The following EXOC7 variants were observed in gnomAD, a reference collection of about 807,000 sequenced individuals.
EXOC7 encodes exocyst complex component Exo70.
Under a neutral mutation model 87.6 loss-of-function variants are expected in EXOC7, and 51 were observed. The observed-to-expected ratio is 0.58, with a 90% CI of 0.46 to 0.73. The LOEUF (loss-of-function observed/expected upper bound fraction) is 0.73. EXOC7 is among the 30% of genes least tolerant of loss of function. EXOC7 has a pLI of 0.00. For synonymous variants in EXOC7, 327 were observed against 357.1 expected, an observed-to-expected ratio of 0.92 and a Z score of 0.95; for missense variants, 744 against 888.4, an observed-to-expected ratio of 0.84 and a Z score of 2.07.
intron 6 of EXOC7, among the ~76,000 whole-genome samples, chr17:76,091,958 T>C (rs1020909202): frequency 1.3e-5 from 2 of 152,020 alleles, no homozygotes; most frequent in African/African-American, 2.4e-5. Context: ...AGAAAAACAA[T>C]AGTTAGTATC....
In EXOC7 at chr17:76,082,946, T is replaced by A. The variant is rs2067046203; in HGVS notation, c.*702A>T. On this transcript the variant is annotated 3_prime_UTR_variant, in exon 19 of 19. Transcript: ENST00000589210. ...ACAGGCAGGCAGCCTAATTGCTCCT[T>A]CTGCAACCACGACTGCCTGGCCCTG... The A allele has an allele frequency of 3.6e-6, 1 of 277,148 alleles. No individual in the cohort carries two copies. The highest frequency in any genetic ancestry group is 6.8e-6 in the Non-Finnish European group (1 of 148,118). 17.2% of individuals were successfully genotyped at this position (277,148 alleles called of 1,614,324 possible). A position where few individuals can be genotyped will look rare whatever the true frequency, so the allele number is the denominator to read the frequency against.
chr17:76,101,680 C>T lies in EXOC7; in HGVS notation c.310G>A (p.Gly104Ser). 6.2e-7 allele frequency: 1 copy of T among 1,611,620 alleles called. No homozygotes were observed. The highest frequency in any genetic ancestry group is 8.5e-7 in the Non-Finnish European group (1 of 1,178,544). The change falls in exon 3 of 19, where the codon GGC (glycine) becomes AGC (serine). Residue 104 changes from glycine to serine, a missense_variant and splice_region_variant. Coordinates refer to ENST00000589210, the MANE Select transcript of EXOC7 (RefSeq NM_001013839.4). ...ACCCTCTGGGCCTCACTCACTCACC[C>T]CTCTCTGATGATCTTCTCAGTGTCA... ...ASDTEKIIREGPTGRLEEYLG... is the reference protein window; with the variant it reads ...ASDTEKIIRESPTGRLEEYLG...
rs1394895787 is a variant in EXOC7 at position 76,081,786 on chromosome 17, T to G, written c.*1862A>C. 6.2e-7 allele frequency: 1 copy of G among 1,613,594 alleles called. No homozygotes were observed. Among genetic ancestry groups the G allele is most frequent in the East Asian group, 2.2e-5 (1 of 44,858 alleles). On this transcript the variant is annotated 3_prime_UTR_variant, in exon 19 of 19. Transcript: ENST00000589210. Reference sequence around the variant, plus strand: ...CCCTGCTCCCTTACCCAGTCTGCCCTGTTTCTCCCCGGTCACCCACTGGTG... The same window carrying G: ...CCCTGCTCCCTTACCCAGTCTGCCCGGTTTCTCCCCGGTCACCCACTGGTG...
Position 76,097,917 on chromosome 17 carries a change from C to G in EXOC7, c.519G>C (p.Leu173=), listed in dbSNP as rs1256854946. The G allele has an allele frequency of 6.2e-7, 1 of 1,614,024 alleles. No homozygotes were observed. The change falls in exon 5 of 19, where the codon CTG becomes CTC. Residue 173 remains leucine (L), a synonymous_variant. Transcript: ENST00000589210. ...CCTCCAGATCATCGTCACCACTGATCAGATCCAAGATGAGCACGGGCGAGA... is the reference window on the plus strand; with the variant it reads ...CCTCCAGATCATCGTCACCACTGATGAGATCCAAGATGAGCACGGGCGAGA... The part of the protein sequence containing the change: ...KVVSPVLILD[L]ISGDDDLEAQ...
intron 4 of EXOC7, among the ~76,000 whole-genome samples, chr17:76,098,950 G>C (rs922084239): frequency 2.0e-4 from 30 of 151,530 alleles, no homozygotes; most frequent in African/African-American, 7.3e-4. Context: ...GTTTGCAAAA[G>C]AAAATAAATA....
At chr17:76,102,763 A>G (rs1246148503) in intron 2 of EXOC7, among the ~76,000 whole-genome samples, 1 of 152,216 alleles carries the variant, frequency 6.6e-6, no homozygotes, top group Admixed American at 6.5e-5. Context: ...CACCTATTGT[A>G]TACCAGGCAC....
Position 76,082,278 on chromosome 17 carries a change from C to G in EXOC7, c.*1370G>C, listed in dbSNP as rs776268196. On this transcript the variant is annotated 3_prime_UTR_variant, in exon 19 of 19. Coordinates refer to ENST00000589210, the MANE Select transcript of EXOC7 (RefSeq NM_001013839.4). ...ACCTCAATCCCCTGATAACCCATGCCTTGCACAGCCTAAGAGGGTGTTTCT... is the reference window on the plus strand; with the variant it reads ...ACCTCAATCCCCTGATAACCCATGCGTTGCACAGCCTAAGAGGGTGTTTCT... 1.3e-6 allele frequency: 1 copy of G among 778,482 alleles called. No individual in the cohort carries two copies. Among genetic ancestry groups the G allele is most frequent in the Non-Finnish European group, 2.0e-6 (1 of 501,640 alleles). The allele number at this position is 778,482 out of a possible 1,614,324, so 48.2% of individuals were successfully genotyped here.
At chr17:76,101,202 T>C (rs1181412672) in intron 4 of EXOC7, 69 bp downstream of exon 4, 8 of 1,613,454 alleles carry the variant, frequency 5.0e-6, no homozygotes, top group African/African-American at 4.0e-5. Context: ...GCTGGCTCCA[T>C]GTCCCTCATG....
chr17:76,103,384 T>C lies in EXOC7; in HGVS notation c.103A>G (p.Ser35Gly). ...ACCATGTTCTTAGTGAGCTGGTCGC[T>C]CTTCTCCAGGCTGTCTCGGATGAAG... ...LSFIRDSLEK[S>G]DQLTKNMVSI... Residue 35 changes from serine (S) to glycine (G), a missense_variant, in exon 2 of 19, where the codon AGC (serine) becomes GGC (glycine). Ser to Gly is a moderately conservative substitution (Grantham distance 56). Around this residue, in one of 3 missense-constraint regions of EXOC7, gnomAD observed 512 missense variants for 573.0 expected, o/e 0.89. Coordinates refer to ENST00000589210, the MANE Select transcript of EXOC7 (RefSeq NM_001013839.4). 1 of 1,606,648 alleles carries C rather than the reference T, an allele frequency of 6.2e-7. No individual in the cohort carries two copies. Among genetic ancestry groups the C allele is most frequent in the South Asian group, 1.1e-5 (1 of 89,368 alleles).
At position 76,084,237 on chromosome 17, in the gene EXOC7, C is replaced by A. The variant is rs979427898; in HGVS notation, c.1818+11G>T. On this transcript the variant is annotated intron_variant, in intron 17 of 18. Transcript: ENST00000589210. ...GCAGCAAGCAGTGGAGGGGAGAGGACCCCGACTCACCTTAAAACGCTCCTT... is the reference window on the plus strand; with the variant it reads ...GCAGCAAGCAGTGGAGGGGAGAGGAACCCGACTCACCTTAAAACGCTCCTT... 2 of 1,611,344 alleles carry A rather than the reference C, an allele frequency of 1.2e-6. No individual in the cohort carries two copies. Among genetic ancestry groups the A allele is most frequent in the Non-Finnish European group, 1.7e-6 (2 of 1,178,252 alleles).
chr17:76,091,884 C>A (rs531980709), intron 6 of EXOC7, among the ~76,000 whole-genome samples: 2 of 152,280 alleles, frequency 1.3e-5, no homozygotes, highest in East Asian at 1.9e-4. Context: ...TTAACAGAAG[C>A]CACCACACAG....
At chr17:76,100,799 G>A (rs2068021288) in intron 4 of EXOC7, among the ~76,000 whole-genome samples, 1 of 152,086 alleles carries the variant, frequency 6.6e-6, no homozygotes, top group South Asian at 2.1e-4. Context: ...TGGCCAACAT[G>A]GCGAAACCCC....
chr17:76,082,612 C>A lies in EXOC7; in HGVS notation c.*1036G>T. The A allele has an allele frequency of 1.2e-6, 2 of 1,613,236 alleles. No homozygotes were observed. The highest frequency in any genetic ancestry group is 8.5e-7 in the Non-Finnish European group (1 of 1,179,782). On this transcript the variant is annotated 3_prime_UTR_variant, in exon 19 of 19. Coordinates refer to ENST00000589210, the MANE Select transcript of EXOC7 (RefSeq NM_001013839.4). ...GGCAGCGTGCAAGTCTGACGCAGCC[C>A]CTGGAGAGGCTGCACCCCATGGCAG...
intron 6 of EXOC7, 27 bp from the exon 7 acceptor site, chr17:76,091,262 G>A: frequency 6.3e-7 from 1 of 1,599,938 alleles, no homozygotes; most frequent in Non-Finnish European, 8.6e-7. Context: ...ACAGAGAGGA[G>A]ATAAGAAGAC....
In EXOC7 at chr17:76,101,258, G is replaced by C. The variant is rs772445106; in HGVS notation, c.417+13C>G. 1.1e-5 allele frequency: 17 copies of C among 1,613,780 alleles called. No homozygotes were observed. The highest frequency in any genetic ancestry group is 1.4e-5 in the Non-Finnish European group (16 of 1,180,010). The stretch of plus-strand genomic sequence containing the variant: ...ATCCCCAAGCTTCTCACGTTATTCT[G>C]CGGACCCCTTACCACTTTGTTGAGT... On this transcript the variant is annotated intron_variant, in intron 4 of 18. Coordinates refer to ENST00000589210, the MANE Select transcript of EXOC7 (RefSeq NM_001013839.4).
intron 2 of EXOC7, chr17:76,103,107 G>A (rs2068154334): frequency 1.9e-6 from 1 of 534,988 alleles, no homozygotes; most frequent in Non-Finnish European, 3.4e-6. Flanking sequence ...AAGGAGAGAA[G>A]GAAGAATGGC....
intron 5 of EXOC7, among the ~76,000 whole-genome samples, chr17:76,095,669 C>T (rs1234270459): frequency 1.3e-5 from 2 of 152,098 alleles, no homozygotes; most frequent in Non-Finnish European, 2.9e-5. Flanking sequence ...GAACAAATGG[C>T]CATGGAACTG....
At position 76,082,750 on chromosome 17, in the gene EXOC7, C is replaced by T. The variant is rs1208115867; in HGVS notation, c.*898G>A. 7.4e-6 allele frequency: 9 copies of T among 1,221,574 alleles called. No homozygotes were observed. The Admixed American group carries it at 1.9e-4, about 26-fold the overall frequency. The allele number at this position is 1,221,574 out of a possible 1,614,324, so 75.7% of individuals were successfully genotyped here. ...GGCCTCTGGATTAAGCCACCCTGAG[C>T]TCTCCCTCCGCTAGCACACAAGCAC... is the stretch of plus-strand genomic sequence containing the variant. On this transcript the variant is annotated 3_prime_UTR_variant, in exon 19 of 19. Transcript: ENST00000589210.
At chr17:76,103,296 A>AGGT in intron 2 of EXOC7, 65 bp downstream of exon 2, 1 of 1,469,698 alleles carries the variant, frequency 6.8e-7, no homozygotes, top group Non-Finnish European at 9.3e-7. Context: ...CGGAACCGCC[A>AGGT]GGTCGCAAGG....
Sources: gnomAD v4.1 joint callset for allele counts (sites outside exome capture counted in the v4.1 genomes callset) on GRCh38, gnomAD v4.1.1 for gene constraint, gnomAD v4.1.1 regional missense constraint, MANE v1.5 for transcripts, NCBI Gene and HGNC (gene_info 2026-07-23, HGNC 2026-07-21) for gene names.